MOBP: variants seen among roughly 807,000 people sequenced by gnomAD.
The protein encoded by MOBP is myelin associated oligodendrocyte basic protein.
A neutral mutation model predicts 15.0 loss-of-function variants in MOBP; 5 were observed. The observed-to-expected ratio is 0.33, with a 90% confidence interval of 0.17 to 0.70. The LOEUF (loss-of-function observed/expected upper bound fraction) is 0.70. Among genes scored for constraint, MOBP ranks in the 30% least tolerant of loss-of-function variants. The probability of loss-of-function intolerance (pLI) is 0.67; values close to 1 mark genes in which losing one functional copy is unlikely to be tolerated. For synonymous variants in MOBP, 88 were observed against 99.0 expected (o/e 0.89, Z 0.66); for missense variants, 188 against 257.8 (o/e 0.73, Z 1.85).
intron 1 of MOBP, among the ~76,000 whole-genome samples, chr3:39,471,189 C>T (rs1210903871): frequency 6.6e-6 from 1 of 150,574 alleles, no homozygotes; most frequent in African/African-American, 2.5e-5. Flanking sequence ...GTGCAGTGCA[C>T]CAGCCTAGTG....
chr3:39,469,216 A>G lies in MOBP; in HGVS notation c.-89+1476A>G, dbSNP rs918222449. Among the ~76,000 whole-genome samples the G allele has an allele frequency of 1.1e-4, 14 of 127,138 alleles. 2 individuals are homozygous for G. The highest frequency in any genetic ancestry group is 1.5e-4 in the Non-Finnish European group (9 of 61,126). The allele number at this position is 127,138 out of a possible 152,430, so 83.4% of individuals were successfully genotyped here. A position where few individuals can be genotyped will look rare whatever the true frequency, so the allele number is the denominator to read the frequency against. ...TATATACATATATACATGTGTGTGTATATACATATATACATATGTGTGTGT... is the reference window on the plus strand; with the variant it reads ...TATATACATATATACATGTGTGTGTGTATACATATATACATATGTGTGTGT... On this transcript the variant is annotated intron_variant, in intron 1 of 3. Transcript: ENST00000684792.
intron 4 of MOBP, among the ~76,000 whole-genome samples, chr3:39,509,104 G>GTA (rs60812063): frequency 3.9e-4 from 52 of 133,220 alleles, no homozygotes; most frequent in Admixed American, 5.0e-4. Context: ...GTGTGTGTGT[G>GTA]TATATATATA....
chr3:39,475,523 C>T (rs1262963980), intron 1 of MOBP, among the ~76,000 whole-genome samples: 2 of 152,086 alleles, frequency 1.3e-5, no homozygotes, highest in South Asian at 2.1e-4. Flanking sequence ...TTCTATTTCT[C>T]TCATTACTTC....
chr3:39,501,721 G>T (rs1172187161), intron 2 of MOBP, among the ~76,000 whole-genome samples: 2 of 152,008 alleles, frequency 1.3e-5, no homozygotes, highest in African/African-American at 4.8e-5. Context: ...TAGAGAAAAG[G>T]CTTTTCCTAA....
In MOBP at chr3:39,502,794, T is replaced by C. The variant is rs1292809496; in HGVS notation, c.466T>C (p.Ser156Pro). Reference sequence around the variant, plus strand: ...AGCCAAGCAGCGTCCCCCTCAGAAGTCCAAGCAACAGCCGCGCAGCAGCCC... The same window carrying C: ...AGCCAAGCAGCGTCCCCCTCAGAAGCCCAAGCAACAGCCGCGCAGCAGCCC... Reference protein sequence around the residue: ...PPAKQRPPQKSKQQPRSSPLR... With the variant: ...PPAKQRPPQKPKQQPRSSPLR... The change falls in exon 4 of 4, where the codon TCC (serine) becomes CCC (proline). Residue 156 changes from serine to proline, a missense_variant. This residue lies in a region of MOBP where 55 missense variants were observed against 45.2 expected (regional missense o/e 1.22). Coordinates refer to ENST00000684792, the MANE Select transcript of MOBP (RefSeq NM_001393704.1). The surrounding 1 kb of genome is among the most constrained non-coding windows in gnomAD (Gnocchi z 6.3). 5.2e-6 allele frequency: 8 copies of C among 1,534,352 alleles called. No individual in the cohort carries two copies. Among genetic ancestry groups the C allele is most frequent in the Non-Finnish European group, 7.0e-6 (8 of 1,146,156 alleles).
chr3:39,504,313 A>G (rs1333509398), downstream of MOBP, among the ~76,000 whole-genome samples: 3 of 152,244 alleles, frequency 2.0e-5, no homozygotes, highest in Non-Finnish European at 4.4e-5. Context: ...AGAGGAAATT[A>G]ATTGTATAAA....
At chr3:39,468,198 T>G (rs1209497878) in intron 1 of MOBP, among the ~76,000 whole-genome samples, 1 of 152,178 alleles carries the variant, frequency 6.6e-6, no homozygotes, top group African/African-American at 2.4e-5. Flanking sequence ...GTGGGGGATC[T>G]TAATGGAACA....
In MOBP at chr3:39,523,204, C is replaced by G. The variant is rs114594791; in HGVS notation, c.*259-1039C>G. On this transcript the variant is annotated intron_variant and NMD_transcript_variant, in intron 3 of 4. Transcript: ENST00000424090. ...ACTAATCAAAAATCCTTGGATGTTACAAATCATTTTTCCTCTGCCCTGAGC... is the reference window on the plus strand; with the variant it reads ...ACTAATCAAAAATCCTTGGATGTTAGAAATCATTTTTCCTCTGCCCTGAGC... 6.0e-3 allele frequency among the ~76,000 whole-genome samples: 915 copies of G among 152,294 alleles called. 6 individuals carry two copies. The highest frequency in any genetic ancestry group is 0.036 in the East Asian group (185 of 5,192).
chr3:39,477,007 A>C (rs1192061779), intron 1 of MOBP, among the ~76,000 whole-genome samples: 3 of 151,856 alleles, frequency 2.0e-5, no homozygotes, highest in African/African-American at 4.8e-5. Context: ...TACCAGAGAC[A>C]CTCTGACCCA....
At chr3:39,508,739 G>T (rs991547845) in intron 4 of MOBP, among the ~76,000 whole-genome samples, 1 of 151,726 alleles carries the variant, frequency 6.6e-6, no homozygotes, top group Non-Finnish European at 1.5e-5. Context: ...TAGTAGAGAG[G>T]GCTTTCACTA....
At chr3:39,488,310 G>A (rs1482272374) in intron 2 of MOBP, among the ~76,000 whole-genome samples, 1 of 152,140 alleles carries the variant, frequency 6.6e-6, no homozygotes, top group African/African-American at 2.4e-5. Flanking sequence ...GGAGGTTTCA[G>A]AAGTATCTCA....
chr3:39,469,154 A>ATG lies in MOBP; in HGVS notation c.-89+1424_-89+1425dup, dbSNP rs200106596. Among the ~76,000 whole-genome samples, 2 of 86,784 alleles carry ATG rather than the reference A, an allele frequency of 2.3e-5. 1 individual carries two copies. Among genetic ancestry groups the ATG allele is most frequent in the East Asian group, 5.5e-4 (2 of 3,644 alleles). The allele number at this position is 86,784 out of a possible 152,430, so 56.9% of individuals were successfully genotyped here. ...TGTGTGTGTATATACATATATACATATGTGTGTGTGTATACATATATACAT... is the reference window on the plus strand; with the variant it reads ...TGTGTGTGTATATACATATATACATATGTGTGTGTGTGTATACATATATACAT... On this transcript the variant is annotated intron_variant, in intron 1 of 3. Coordinates refer to ENST00000684792, the MANE Select transcript of MOBP (RefSeq NM_001393704.1).
chr3:39,494,962 C>A (rs1199878383), intron 2 of MOBP, among the ~76,000 whole-genome samples: 1 of 152,116 alleles, frequency 6.6e-6, no homozygotes, highest in Non-Finnish European at 1.5e-5. Flanking sequence ...ACAAACTCCA[C>A]AGTCCTCCAG....
chr3:39,490,260 T>G (rs114346675), intron 2 of MOBP, among the ~76,000 whole-genome samples: 102 of 152,302 alleles, frequency 6.7e-4, no homozygotes, highest in African/African-American at 2.4e-3. Context: ...CAAGTTACAG[T>G]TTTTCATGCA....
At chr3:39,489,691 G>GCCC (rs546154097) in intron 2 of MOBP, among the ~76,000 whole-genome samples, 13 of 149,096 alleles carry the variant, frequency 8.7e-5, no homozygotes, top group Middle Eastern at 3.4e-3. Flanking sequence ...ATTGTTCCCC[G>GCCC]CCCAGCTCCT....
intron 2 of MOBP, among the ~76,000 whole-genome samples, chr3:39,482,104 C>T (rs2042636964): frequency 6.6e-6 from 1 of 152,130 alleles, no homozygotes; most frequent in African/African-American, 2.4e-5. Flanking sequence ...TGAACTCATG[C>T]TTCTGTTTTT....
At chr3:39,519,501 G>A (rs1011244299), downstream of MOBP, among the ~76,000 whole-genome samples, 1 of 137,900 alleles carries the variant, frequency 7.3e-6, no homozygotes, top group African/African-American at 3.2e-5. Flanking sequence ...ACTATAAATG[G>A]CATCTTTTTT....
rs527769243 is a variant in MOBP at position 39,469,056 on chromosome 3, A to G, written c.-89+1316A>G. On this transcript the variant is annotated intron_variant, in intron 1 of 3. Transcript: ENST00000684792. The stretch of plus-strand genomic sequence containing the variant: ...TATACATATATACATATGTGTGTGT[A>G]TATACATATATACATATGTGTGTGT... Among the ~76,000 whole-genome samples, 12 of 66,714 alleles carry G rather than the reference A, an allele frequency of 1.8e-4. 1 individual carries two copies. Among genetic ancestry groups the G allele is most frequent in the African/African-American group, 3.8e-4 (3 of 7,864 alleles). 43.8% of individuals were successfully genotyped at this position (66,714 alleles called of 152,430 possible).
intron 2 of MOBP, among the ~76,000 whole-genome samples, chr3:39,497,765 C>G (rs2042908350): frequency 6.6e-6 from 1 of 152,160 alleles, no homozygotes; most frequent in Non-Finnish European, 1.5e-5. Context: ...AAAACAAATT[C>G]AATTTAACAG....
Sources: gnomAD v4.1 joint callset for allele counts (sites outside exome capture counted in the v4.1 genomes callset) on GRCh38, gnomAD v4.1.1 for gene constraint, gnomAD v4.1.1 regional missense constraint, Gnocchi (gnomAD v3.1) non-coding constraint, MANE v1.5 for transcripts, NCBI Gene and HGNC (gene_info 2026-07-23, HGNC 2026-07-21) for gene names.